Variants in SNTB1 observed in about 807,000 individuals in gnomAD.
SNTB1 encodes syntrophin beta 1, also known as beta-1-syntrophin.
A neutral mutation model predicts 48.9 loss-of-function variants in SNTB1; 36 were observed. The observed-to-expected ratio is 0.74, with a 90% CI of 0.56 to 0.97. The LOEUF is 0.97. Among genes scored for constraint, SNTB1 ranks in the 50% least tolerant of loss-of-function variants. SNTB1 has a pLI of 0.00. For missense variants in SNTB1, 786 were observed against 703.4 expected (o/e 1.12, Z -1.33); for synonymous variants, 299 against 294.6 (o/e 1.01, Z -0.15).
At chr8:120,572,403 T>G (rs533764761) in intron 4 of SNTB1, among the ~76,000 whole-genome samples, 56 of 152,176 alleles carry the variant, frequency 3.7e-4, no homozygotes, top group Non-Finnish European at 7.2e-4. Flanking sequence ...ATGCCTAGCT[T>G]GCAGGTAAAG....
At chr8:120,592,758 G>A (rs1225273552) in intron 3 of SNTB1, among the ~76,000 whole-genome samples, 1 of 152,106 alleles carries the variant, frequency 6.6e-6, no homozygotes, top group African/African-American at 2.4e-5. Flanking sequence ...TTCATCATGA[G>A]GCATATATAA....
At chr8:120,595,181 T>C (rs1816303175) in intron 3 of SNTB1, among the ~76,000 whole-genome samples, 1 of 152,080 alleles carries the variant, frequency 6.6e-6, no homozygotes, top group African/African-American at 2.4e-5. Context: ...CCATCTTGAA[T>C]AGGAGCTGGG....
intron 1 of SNTB1, among the ~76,000 whole-genome samples, chr8:120,800,623 C>G (rs548780483): frequency 3.3e-5 from 5 of 151,986 alleles, no homozygotes; most frequent in Admixed American, 3.3e-4. Flanking sequence ...AAAAATTATA[C>G]AGAATGGGTG....
chr8:120,575,674 G>A (rs2130687310), intron 3 of SNTB1, among the ~76,000 whole-genome samples: 1 of 152,250 alleles, frequency 6.6e-6, no homozygotes, highest in East Asian at 1.9e-4. Flanking sequence ...TACCCAGACA[G>A]AGTGAGATAT....
intron 4 of SNTB1, among the ~76,000 whole-genome samples, chr8:120,567,342 A>T (rs1196726232): frequency 6.6e-6 from 1 of 152,026 alleles, no homozygotes; most frequent in Non-Finnish European, 1.5e-5. Flanking sequence ...ACCCTAATAG[A>T]ATCCACCTAA....
At chr8:120,674,320 T>G (rs953235418) in intron 2 of SNTB1, among the ~76,000 whole-genome samples, 1 of 152,128 alleles carries the variant, frequency 6.6e-6, no homozygotes, top group Non-Finnish European at 1.5e-5. Flanking sequence ...CTTCAGGGAG[T>G]ATTTATTCAC....
Position 120,799,450 on chromosome 8 carries a change from A to C in SNTB1, c.571+11823T>G, listed in dbSNP as rs1431563988. 2.0e-5 allele frequency among the ~76,000 whole-genome samples: 3 copies of C among 152,028 alleles called. No homozygotes were observed. In the East Asian group the frequency reaches 5.8e-4, roughly 29 times the overall value. On this transcript the variant is annotated intron_variant, in intron 1 of 6. Transcript: ENST00000517992. ...ACAAGCAAAGATAATGTGTCTACAA[A>C]ACAACAAGAGGATGCTATATAAAAA...
intron 2 of SNTB1, among the ~76,000 whole-genome samples, chr8:120,678,512 T>C (rs1330942779): frequency 6.6e-6 from 1 of 152,240 alleles, no homozygotes; most frequent in African/African-American, 2.4e-5. Context: ...TGTCTTCCTC[T>C]GAGCCTCTCA....
chr8:120,771,624 C>A (rs182336034), intron 1 of SNTB1, among the ~76,000 whole-genome samples: 1 of 151,598 alleles, frequency 6.6e-6, no homozygotes, highest in South Asian at 2.1e-4. Context: ...CACTTCAGCT[C>A]GAGGGTGTGA....
At chr8:120,694,703 A>G (rs1337160783) in intron 1 of SNTB1, among the ~76,000 whole-genome samples, 2 of 151,980 alleles carry the variant, frequency 1.3e-5, no homozygotes, top group Non-Finnish European at 2.9e-5. Context: ...ATCTTTGTAT[A>G]TAAATTCATA....
In SNTB1 at chr8:120,632,638, G is replaced by A; in HGVS notation, c.802C>T (p.His268Tyr). ...ADPENRQLEI[H>Y]SPDAKHTVIL... ...ACCGTGTGCTTAGCATCTGGAGAGT[G>A]GATTTCAAGCTGCCTAGAGGAGCAC... is the stretch of plus-strand genomic sequence containing the variant. Residue 268 changes from histidine to tyrosine, a missense_variant, in exon 3 of 7, where the codon CAC becomes TAC. Physicochemically the swap from His to Tyr is moderately conservative, Grantham distance 83. Transcript: ENST00000517992. 2 of 1,614,082 alleles carry A rather than the reference G, an allele frequency of 1.2e-6. No homozygotes were observed. The highest frequency in any genetic ancestry group is 1.7e-6 in the Non-Finnish European group (2 of 1,179,990).
chr8:120,736,558 C>T (rs984124201), intron 1 of SNTB1, among the ~76,000 whole-genome samples: 6 of 152,168 alleles, frequency 3.9e-5, no homozygotes, highest in Middle Eastern at 3.2e-3. Context: ...ATAACATTTC[C>T]GTGATGTATG....
intron 2 of SNTB1, among the ~76,000 whole-genome samples, chr8:120,678,373 C>CT (rs576092249): frequency 1.4e-3 from 214 of 152,266 alleles, no homozygotes; most frequent in African/African-American, 4.9e-3. Flanking sequence ...AATATGGTCC[C>CT]TGTAGACCTT....
intron 1 of SNTB1, among the ~76,000 whole-genome samples, chr8:120,781,518 C>G (rs1444442982): frequency 2.0e-5 from 3 of 152,050 alleles, no homozygotes; most frequent in Non-Finnish European, 4.4e-5. Context: ...CTCACAAAGT[C>G]ACAAAAAGAC....
intron 3 of SNTB1, among the ~76,000 whole-genome samples, chr8:120,623,891 G>A (rs1816830833): frequency 6.6e-6 from 1 of 152,190 alleles, no homozygotes; most frequent in Non-Finnish European, 1.5e-5. Flanking sequence ...GCATTAGTCT[G>A]TTTTGTGTTG....
chr8:120,754,304 G>A (rs1031149841), intron 1 of SNTB1, among the ~76,000 whole-genome samples: 2 of 151,970 alleles, frequency 1.3e-5, no homozygotes, highest in East Asian at 3.9e-4. Flanking sequence ...ACCAGCCTGG[G>A]CAACATGGTG....
At chr8:120,641,541 T>A (rs1488600089) in intron 2 of SNTB1, among the ~76,000 whole-genome samples, 1 of 152,224 alleles carries the variant, frequency 6.6e-6, no homozygotes. Flanking sequence ...GGCCCTAGGA[T>A]AAAGCAGACT....
chr8:120,629,987 A>G (rs1816953957), intron 3 of SNTB1, among the ~76,000 whole-genome samples: 1 of 152,248 alleles, frequency 6.6e-6, no homozygotes, highest in Non-Finnish European at 1.5e-5. Flanking sequence ...AGAAAGAGTA[A>G]CTTTTGGAAG....
At chr8:120,656,224 G>C (rs781058930) in intron 2 of SNTB1, among the ~76,000 whole-genome samples, 1 of 152,280 alleles carries the variant, frequency 6.6e-6, no homozygotes, top group African/African-American at 2.4e-5. Context: ...AGCAGTTAAT[G>C]AAAAAGAAAC....
Sources: allele counts gnomAD v4.1 joint callset (sites outside exome capture counted in the v4.1 genomes callset), GRCh38; gene constraint gnomAD v4.1.1; transcripts MANE v1.5; gene names NCBI Gene and HGNC (gene_info 2026-07-23, HGNC 2026-07-21).